INPP5A: variants seen among roughly 807,000 people sequenced by gnomAD.
INPP5A encodes the protein inositol polyphosphate-5-phosphatase A, also known as 43 kDa inositol polyphosphate 5-phophatase.
In INPP5A, 14 loss-of-function variants were observed where a neutral mutation model predicts 65.2. The ratio of observed to expected loss-of-function variants is 0.21; its 90% CI spans 0.14 to 0.34. INPP5A has a LOEUF of 0.34. Ranked by LOEUF, INPP5A falls within the 10% of genes least tolerant of loss-of-function variation. The pLI is 1.00. For missense variants in INPP5A, 431 were observed against 545.6 expected (o/e 0.79, Z 2.09); for synonymous variants, 207 against 208.3 (o/e 0.99, Z 0.05).
At chr10:132,763,670 CAT>C (rs944373324) in intron 11 of INPP5A, among the ~76,000 whole-genome samples, 5 of 151,722 alleles carry the variant, frequency 3.3e-5, no homozygotes, top group Non-Finnish European at 5.9e-5. Flanking sequence ...CCTGTGCACA[CAT>C]AAACACGTGC....
intron 7 of INPP5A, among the ~76,000 whole-genome samples, chr10:132,708,841 C>T (rs572965224): frequency 2.6e-5 from 4 of 152,334 alleles, no homozygotes; most frequent in East Asian, 1.9e-4. Context: ...TCGATAGCGC[C>T]GCCCCACCTT....
intron 1 of INPP5A, among the ~76,000 whole-genome samples, chr10:132,595,176 G>A (rs1013118122): frequency 1.3e-5 from 2 of 152,168 alleles, no homozygotes; most frequent in Admixed American, 6.5e-5. Flanking sequence ...CCTTTCTGGA[G>A]TCCCCGCGGA....
At chr10:132,574,303 T>G (rs1455061799) in intron 1 of INPP5A, among the ~76,000 whole-genome samples, 1 of 136,612 alleles carries the variant, frequency 7.3e-6, no homozygotes, top group East Asian at 2.2e-4. Flanking sequence ...GGAGGTTTTG[T>G]TGAGATTTTG....
intron 6 of INPP5A, 108 bp from the exon 7 acceptor site, chr10:132,708,205 C>A: frequency 1.1e-6 from 1 of 926,010 alleles, no homozygotes. Flanking sequence ...AAGAGCCCTG[C>A]TGTTTTTTGT....
In INPP5A at chr10:132,676,354, C is replaced by T. The variant is rs564059992; in HGVS notation, c.307-14038C>T. Among the ~76,000 whole-genome samples, 265 of 152,212 alleles carry T rather than the reference C, an allele frequency of 1.7e-3. 2 individuals carry two copies. The highest frequency in any genetic ancestry group is 6.1e-3 in the African/African-American group (255 of 41,530). ...CTGGGGCGTCACGTCTCCCTGTGGC[C>T]GAGGCTGCTGTTGTCTGGCACACCG... is the stretch of plus-strand genomic sequence containing the variant. On this transcript the variant is annotated intron_variant, in intron 4 of 15. Transcript: ENST00000368594. This position sits in a 1 kb window ranked among gnomAD's most constrained non-coding sequence, Gnocchi z 4.0.
intron 4 of INPP5A, among the ~76,000 whole-genome samples, chr10:132,682,510 G>A (rs2073060863): frequency 6.6e-6 from 1 of 152,252 alleles, no homozygotes. Context: ...CTATCCAGTT[G>A]GCAAAAACTA....
chr10:132,747,496 G>T (rs1254668883), intron 9 of INPP5A, among the ~76,000 whole-genome samples: 1 of 152,258 alleles, frequency 6.6e-6, no homozygotes, highest in Non-Finnish European at 1.5e-5. Flanking sequence ...AGGCGGGTCG[G>T]GCTGCCGAAG....
intron 1 of INPP5A, among the ~76,000 whole-genome samples, chr10:132,541,664 A>C (rs1255236327): frequency 2.0e-5 from 3 of 152,214 alleles, no homozygotes; most frequent in Non-Finnish European, 4.4e-5. Context: ...ATCATCCCAC[A>C]TCACAGGCAC....
chr10:132,590,993 T>C (rs2071612617), intron 1 of INPP5A, among the ~76,000 whole-genome samples: 1 of 152,216 alleles, frequency 6.6e-6, no homozygotes, highest in African/African-American at 2.4e-5. Flanking sequence ...CCCAGGCTGC[T>C]GTCACAGGGA....
chr10:132,693,964 C>G (rs1845307641), intron 5 of INPP5A, among the ~76,000 whole-genome samples: 1 of 152,160 alleles, frequency 6.6e-6, no homozygotes, highest in African/African-American at 2.4e-5. Flanking sequence ...CAGGAATGAA[C>G]AGATCTGGCA....
chr10:132,721,919 A>G (rs1285930115), intron 8 of INPP5A, among the ~76,000 whole-genome samples: 1 of 152,194 alleles, frequency 6.6e-6, no homozygotes, highest in Non-Finnish European at 1.5e-5. Flanking sequence ...TGGGTGGAGT[A>G]AAAAGTGAAG....
intron 11 of INPP5A, among the ~76,000 whole-genome samples, chr10:132,757,426 T>TA (rs1289516485): frequency 6.6e-6 from 1 of 152,244 alleles, no homozygotes; most frequent in East Asian, 1.9e-4. Context: ...CGCAGGTACT[T>TA]ACAGTGTGTT....
chr10:132,599,188 T>C (rs2071746537), intron 1 of INPP5A, among the ~76,000 whole-genome samples: 1 of 152,230 alleles, frequency 6.6e-6, no homozygotes, highest in Non-Finnish European at 1.5e-5. Context: ...TCCAGTCTTA[T>C]CTGAGACAAG....
intron 4 of INPP5A, among the ~76,000 whole-genome samples, chr10:132,666,569 G>T (rs1218827571): frequency 6.6e-6 from 1 of 152,202 alleles, no homozygotes; most frequent in Non-Finnish European, 1.5e-5. Context: ...CGAGGCTGCC[G>T]ACTTTGCAGT....
chr10:132,761,914 A>G (rs967734661), intron 11 of INPP5A, among the ~76,000 whole-genome samples: 2 of 152,256 alleles, frequency 1.3e-5, no homozygotes, highest in Admixed American at 1.3e-4. Flanking sequence ...TATTAAAAGC[A>G]TGACAGAATT....
At chr10:132,626,581 G>A (rs759332863) in intron 2 of INPP5A, among the ~76,000 whole-genome samples, 3 of 152,220 alleles carry the variant, frequency 2.0e-5, no homozygotes, top group Non-Finnish European at 4.4e-5. Flanking sequence ...ATCGCAGACT[G>A]TGCAATTCTT....
intron 1 of INPP5A, among the ~76,000 whole-genome samples, chr10:132,588,602 C>T (rs1590849822): frequency 6.6e-6 from 1 of 152,238 alleles, no homozygotes. Context: ...TTCCCACCCC[C>T]CAGCACAGCG....
At chr10:132,700,026 G>A (rs1196516124) in intron 6 of INPP5A, among the ~76,000 whole-genome samples, 1 of 152,198 alleles carries the variant, frequency 6.6e-6, no homozygotes, top group Non-Finnish European at 1.5e-5. Context: ...GATGCTGGGG[G>A]CCTGCTGGCA....
intron 9 of INPP5A, among the ~76,000 whole-genome samples, chr10:132,729,829 GT>G (rs1293191246): frequency 6.6e-6 from 1 of 152,210 alleles, no homozygotes; most frequent in East Asian, 1.9e-4. Context: ...TCTAATGGCT[GT>G]GCTTAAGGGG....
Sources: gnomAD v4.1 joint callset for allele counts (sites outside exome capture counted in the v4.1 genomes callset) on GRCh38, gnomAD v4.1.1 for gene constraint, Gnocchi (gnomAD v3.1) non-coding constraint, MANE v1.5 for transcripts, NCBI Gene and HGNC (gene_info 2026-07-23, HGNC 2026-07-21) for gene names.